The following MALRD1 variants were observed in gnomAD, a reference collection of about 807,000 sequenced individuals.
The protein encoded by MALRD1 is MAM and LDL receptor class A domain containing 1.
MALRD1 carries 247 observed loss-of-function variants against 242.1 expected under a neutral mutation model. The observed-to-expected ratio is 1.02, with a 90% CI of 0.92 to 1.13. The LOEUF (loss-of-function observed/expected upper bound fraction) is 1.13, where lower values mean the gene tolerates loss of function less well. Ranked by LOEUF, MALRD1 falls within the 50% of genes most tolerant of loss-of-function variation. The pLI, the probability that MALRD1 is intolerant of heterozygous loss-of-function variation, is 0.00. For missense variants in MALRD1, 2,989 were observed against 2,533.1 expected (o/e 1.18, Z -3.86); for synonymous variants, 995 against 866.6 (o/e 1.15, Z -2.60).
rs1413829074 is a variant in MALRD1, at chr10:19,531,306, G to T, written c.5433G>T (p.Arg1811=). The T allele has an allele frequency of 1.3e-6, 2 of 1,549,058 alleles. No homozygotes were observed. The highest frequency in any genetic ancestry group is 8.7e-7 in the Non-Finnish European group (1 of 1,145,946). Residue 1811 remains arginine (R), a synonymous_variant, in exon 32 of 40, where the codon CGG becomes CGT. Transcript: ENST00000454679. ...CAAGCCTTGGAATGTGTACTGTTCG[G>T]TTCTGGTTCTACATGATTGATCCCA... The part of the protein sequence containing the change: ...FPASLGMCTV[R]FWFYMIDPRS...
chr10:19,216,260 GGTGC>G (rs1837311669), intron 18 of MALRD1, among the ~76,000 whole-genome samples: 1 of 151,496 alleles, frequency 6.6e-6, no homozygotes, highest in East Asian at 1.9e-4. Flanking sequence ...TGGGACTATA[GGTGC>G]CTGCCACCAC....
intron 29 of MALRD1, among the ~76,000 whole-genome samples, chr10:19,453,674 G>A (rs1345238928): frequency 6.6e-5 from 10 of 152,008 alleles, no homozygotes; most frequent in African/African-American, 2.2e-4. Context: ...CCAGGAGTTC[G>A]AGACCAGCCT....
At chr10:19,355,271 T>G (rs986362760) in intron 26 of MALRD1, among the ~76,000 whole-genome samples, 52 of 152,166 alleles carry the variant, frequency 3.4e-4, no homozygotes, top group African/African-American at 1.2e-3. Flanking sequence ...AGCCAAATTG[T>G]GGACCACCTT....
intron 28 of MALRD1, among the ~76,000 whole-genome samples, chr10:19,447,776 C>G (rs1267142184): frequency 6.6e-6 from 1 of 152,074 alleles, no homozygotes; most frequent in East Asian, 1.9e-4. Context: ...ATTAACCATC[C>G]CTTTGATTTC....
chr10:19,456,356 T>C (rs980027373), intron 29 of MALRD1, among the ~76,000 whole-genome samples: 1 of 150,470 alleles, frequency 6.6e-6, no homozygotes, highest in African/African-American at 2.5e-5. Context: ...CTTTCATTTT[T>C]TTCCTGTTAA....
chr10:19,461,868 G>T (rs889338837), intron 29 of MALRD1, among the ~76,000 whole-genome samples: 5 of 152,110 alleles, frequency 3.3e-5, no homozygotes, highest in African/African-American at 9.7e-5. Context: ...TTCCCTTTCT[G>T]TGGAACGTCC....
intron 1 of MALRD1, among the ~76,000 whole-genome samples, chr10:19,056,942 A>T (rs904835234): frequency 6.6e-6 from 1 of 152,090 alleles, no homozygotes; most frequent in Non-Finnish European, 1.5e-5. Context: ...TATGGTTTTT[A>T]TCCTTCATTC....
chr10:19,719,173 TAC>T (rs142640637), intron 38 of MALRD1, among the ~76,000 whole-genome samples: 54,901 of 106,252 alleles, frequency 0.52, 15,334 homozygotes, highest in African/African-American at 0.59. Context: ...TATATATACA[TAC>T]ATATATATAT....
At chr10:19,534,919 C>T (rs1447783507) in intron 32 of MALRD1, among the ~76,000 whole-genome samples, 1 of 148,266 alleles carries the variant, frequency 6.7e-6, no homozygotes, top group Non-Finnish European at 1.5e-5. Flanking sequence ...TGAAGTCTCG[C>T]TCTGTTGCCA....
intron 12 of MALRD1, among the ~76,000 whole-genome samples, chr10:19,162,030 G>T (rs1045908149): frequency 6.8e-6 from 1 of 146,662 alleles, no homozygotes; most frequent in Non-Finnish European, 1.5e-5. Context: ...TCTGTCTCAA[G>T]AACAACAACA....
At chr10:19,584,050 T>A (rs200839325) in intron 33 of MALRD1, among the ~76,000 whole-genome samples, 1 of 149,174 alleles carries the variant, frequency 6.7e-6, no homozygotes, top group Admixed American at 6.6e-5. Flanking sequence ...AGTTTTTATA[T>A]CTGTGGGATC....
At chr10:19,130,565 T>C (rs1833061228) in intron 8 of MALRD1, among the ~76,000 whole-genome samples, 1 of 152,152 alleles carries the variant, frequency 6.6e-6, no homozygotes, top group South Asian at 2.1e-4. Flanking sequence ...TGTATTATAA[T>C]ATGGTCTAAT....
At chr10:19,094,546 C>A (rs951858035) in intron 4 of MALRD1, among the ~76,000 whole-genome samples, 1 of 151,470 alleles carries the variant, frequency 6.6e-6, no homozygotes, top group South Asian at 2.1e-4. Flanking sequence ...AGAAATCACC[C>A]GTCTTCTGCG....
Position 19,707,921 on chromosome 10 carries a change from C to T in MALRD1, c.6314+15367C>T, listed in dbSNP as rs573652799. On this transcript the variant is annotated intron_variant, in intron 38 of 39. Transcript: ENST00000454679. ...GTAGTGAGCTAAGATTGGAGATTGG[C>T]CACTGCACTCTAGCCTGGGTGTTAG... is the stretch of plus-strand genomic sequence containing the variant. Among the ~76,000 whole-genome samples, 23 of 121,270 alleles carry T rather than the reference C, an allele frequency of 1.9e-4. 5 individuals are homozygous for T. Among genetic ancestry groups the T allele is most frequent in the African/African-American group, 5.5e-4 (21 of 38,166 alleles). 79.6% of individuals were successfully genotyped at this position (121,270 alleles called of 152,430 possible). A position where few individuals can be genotyped will look rare whatever the true frequency, so the allele number is the denominator to read the frequency against.
At chr10:19,647,423 C>A (rs1229591647) in intron 36 of MALRD1, among the ~76,000 whole-genome samples, 2 of 152,072 alleles carry the variant, frequency 1.3e-5, no homozygotes, top group Non-Finnish European at 2.9e-5. Flanking sequence ...AGCAAGTAGG[C>A]CTTCCATAGG....
intron 36 of MALRD1, among the ~76,000 whole-genome samples, chr10:19,624,209 A>C (rs1389624974): frequency 6.6e-6 from 1 of 152,146 alleles, no homozygotes; most frequent in Admixed American, 6.6e-5. Context: ...CATGTCCATA[A>C]GGCTACTCAC....
intron 18 of MALRD1, among the ~76,000 whole-genome samples, chr10:19,253,347 G>C (rs968566337): frequency 1.3e-5 from 2 of 151,942 alleles, no homozygotes; most frequent in African/African-American, 4.8e-5. Flanking sequence ...GAAAGTAATA[G>C]ACACATTGAT....
chr10:19,088,074 G>C lies in MALRD1; in HGVS notation c.486G>C (p.Gly162=), dbSNP rs1379130610. The change falls in exon 4 of 40, where the codon GGG becomes GGC. Residue 162 remains glycine, a synonymous_variant. Coordinates refer to ENST00000454679, the MANE Select transcript of MALRD1 (RefSeq NM_001142308.3). The stretch of plus-strand genomic sequence containing the variant: ...AAGTGAGTGGCAAATTAATGGTTGG[G>C]CTTCAAACTGCATGTGGAGGTCCTA... ...SCQVSGKLMV[G]LQTACGGPIQ... 8.1e-7 allele frequency: 1 copy of C among 1,233,358 alleles called. No individual in the cohort carries two copies. The highest frequency in any genetic ancestry group is 1.6e-5 in the African/African-American group (1 of 64,430). The allele number at this position is 1,233,358 out of a possible 1,614,324, so 76.4% of individuals were successfully genotyped here.
chr10:19,238,528 TATACATTATATATA>T lies in MALRD1; in HGVS notation c.2992-19152_2992-19139del, dbSNP rs1337208827. The stretch of plus-strand genomic sequence containing the variant: ...AATATATAATGTATATTATATATAA[TATACATTATATATA>T]ATATATAATGTATATTATATATAAT... On this transcript the variant is annotated intron_variant, in intron 18 of 39. Coordinates refer to ENST00000454679, the MANE Select transcript of MALRD1 (RefSeq NM_001142308.3). Among the ~76,000 whole-genome samples the T allele has an allele frequency of 1.1e-3, 102 of 92,736 alleles. 8 individuals carry two copies. Among genetic ancestry groups the T allele is most frequent in the African/African-American group, 4.3e-3 (96 of 22,378 alleles). The allele number at this position is 92,736 out of a possible 152,430, so 60.8% of individuals were successfully genotyped here.
Sources: allele counts gnomAD v4.1 joint callset (sites outside exome capture counted in the v4.1 genomes callset), GRCh38; gene constraint gnomAD v4.1.1; transcripts MANE v1.5; gene names NCBI Gene and HGNC (gene_info 2026-07-23, HGNC 2026-07-21).